The following FHIT variants were observed in gnomAD, a reference collection of about 807,000 sequenced individuals.
FHIT encodes fragile histidine triad diadenosine triphosphatase.
A neutral mutation model predicts 17.9 loss-of-function variants in FHIT; 19 were observed. That is an observed-to-expected ratio of 1.06 (90% CI 0.74 to 1.56). FHIT has a LOEUF of 1.56. Ranked by LOEUF, FHIT falls within the 40% of genes most tolerant of loss-of-function variation. The pLI is 0.00. For missense variants in FHIT, 248 were observed against 189.2 expected, an observed-to-expected ratio of 1.31 and a Z score of -1.82; for synonymous variants, 81 against 69.7, an observed-to-expected ratio of 1.16 and a Z score of -0.81.
intron 5 of FHIT, among the ~76,000 whole-genome samples, chr3:60,421,288 A>G (rs529137493): frequency 3.3e-5 from 5 of 152,024 alleles, no homozygotes; most frequent in Non-Finnish European, 7.4e-5. Context: ...TACTGTATCT[A>G]ATCTCATTCC....
intron 5 of FHIT, among the ~76,000 whole-genome samples, chr3:60,155,845 C>T (rs565428233): frequency 9.2e-5 from 14 of 152,246 alleles, no homozygotes; most frequent in African/African-American, 2.6e-4. Context: ...CCACCTCAAC[C>T]GTCACCCAAG....
chr3:61,015,142 C>G (rs1385838909), intron 3 of FHIT, among the ~76,000 whole-genome samples: 1 of 151,998 alleles, frequency 6.6e-6, no homozygotes, highest in Non-Finnish European at 1.5e-5. Context: ...GTATGTCAGA[C>G]TAAGTGCTTC....
At chr3:59,964,408 A>G (rs893971247) in intron 7 of FHIT, among the ~76,000 whole-genome samples, 1 of 152,118 alleles carries the variant, frequency 6.6e-6, no homozygotes, top group African/African-American at 2.4e-5. Flanking sequence ...CATACTACCT[A>G]TTAGTTAATA....
chr3:60,358,063 TTA>T (rs1699750576), intron 5 of FHIT, among the ~76,000 whole-genome samples: 1 of 152,236 alleles, frequency 6.6e-6, no homozygotes, highest in Non-Finnish European at 1.5e-5. Context: ...TTGTGTTTTA[TTA>T]TATCCTCCAG....
chr3:60,763,163 C>T (rs922946874), intron 4 of FHIT, among the ~76,000 whole-genome samples: 6 of 152,094 alleles, frequency 3.9e-5, no homozygotes, highest in Non-Finnish European at 7.4e-5. Context: ...GGCTTGTTGG[C>T]TTACACACGA....
intron 2 of FHIT, among the ~76,000 whole-genome samples, chr3:61,105,489 G>T (rs1387163245): frequency 6.6e-6 from 1 of 151,894 alleles, no homozygotes; most frequent in African/African-American, 2.4e-5. Flanking sequence ...TTACATTCAT[G>T]GTGAGAGTCT....
At chr3:61,115,687 G>C (rs143564696) in intron 2 of FHIT, among the ~76,000 whole-genome samples, 11 of 152,224 alleles carry the variant, frequency 7.2e-5, no homozygotes, top group Non-Finnish European at 1.5e-4. Context: ...TATTCTTAAA[G>C]ATACCTTGAG....
At chr3:59,917,195 T>C (rs752910551) in intron 8 of FHIT, among the ~76,000 whole-genome samples, 8 of 152,258 alleles carry the variant, frequency 5.3e-5, no homozygotes, top group Non-Finnish European at 8.8e-5. Context: ...CATGACATGC[T>C]TGAACCCACA....
At chr3:61,225,775 G>A (rs1414847274) in intron 1 of FHIT, among the ~76,000 whole-genome samples, 1 of 152,204 alleles carries the variant, frequency 6.6e-6, no homozygotes, top group Non-Finnish European at 1.5e-5. Flanking sequence ...AATGACTGCT[G>A]AGTTGTAGCT....
At chr3:60,250,267 G>T (rs532465982) in intron 5 of FHIT, among the ~76,000 whole-genome samples, 1 of 152,158 alleles carries the variant, frequency 6.6e-6, no homozygotes, top group African/African-American at 2.4e-5. Flanking sequence ...AGCTAGAATG[G>T]GTCACATTTT....
intron 5 of FHIT, among the ~76,000 whole-genome samples, chr3:60,131,842 T>C (rs1211583068): frequency 6.6e-6 from 1 of 152,106 alleles, no homozygotes; most frequent in Non-Finnish European, 1.5e-5. Flanking sequence ...TCAAAGCCAA[T>C]CACATAGGTC....
intron 8 of FHIT, among the ~76,000 whole-genome samples, chr3:59,876,208 T>C (rs1559688956): frequency 6.6e-6 from 1 of 152,030 alleles, no homozygotes; most frequent in Non-Finnish European, 1.5e-5. Context: ...TATATATGTA[T>C]ATATGCAGAA....
At chr3:60,845,530 T>C (rs1553746209) in intron 3 of FHIT, among the ~76,000 whole-genome samples, 1 of 152,150 alleles carries the variant, frequency 6.6e-6, no homozygotes, top group Non-Finnish European at 1.5e-5. Context: ...GTTTTCAAAA[T>C]TCTTGGAGAG....
At chr3:60,101,840 G>A (rs979336956) in intron 5 of FHIT, among the ~76,000 whole-genome samples, 11 of 152,104 alleles carry the variant, frequency 7.2e-5, no homozygotes, top group Non-Finnish European at 1.3e-4. Context: ...GGACAATTAC[G>A]CAAGGCACAC....
At chr3:61,153,972 T>C (rs7636370) in intron 2 of FHIT, among the ~76,000 whole-genome samples, 44,756 of 152,042 alleles carry the variant, frequency 0.29, 7,416 homozygotes, top group East Asian at 0.72. Flanking sequence ...CAACTATGTA[T>C]ATCTCCTCAC....
At chr3:60,302,426 G>A (rs991983141) in intron 5 of FHIT, among the ~76,000 whole-genome samples, 5 of 151,874 alleles carry the variant, frequency 3.3e-5, no homozygotes, top group African/African-American at 4.8e-5. Context: ...CATTTATCCC[G>A]AAAAAGACAA....
intron 2 of FHIT, among the ~76,000 whole-genome samples, chr3:61,075,026 C>A (rs1221957754): frequency 6.6e-6 from 1 of 152,198 alleles, no homozygotes; most frequent in Non-Finnish European, 1.5e-5. Flanking sequence ...AAAGAAAGCA[C>A]TGCACTTGTA....
At chr3:59,908,027 G>T (rs1014186503) in intron 8 of FHIT, among the ~76,000 whole-genome samples, 8 of 152,078 alleles carry the variant, frequency 5.3e-5, no homozygotes, top group Non-Finnish European at 1.0e-4. Flanking sequence ...ATAATCCAAG[G>T]TCATCTCCTT....
At chr3:61,164,799 C>G (rs1215620051) in intron 2 of FHIT, among the ~76,000 whole-genome samples, 1 of 152,180 alleles carries the variant, frequency 6.6e-6, no homozygotes, top group Non-Finnish European at 1.5e-5. Context: ...TTCCCTCCCT[C>G]ACTCACTCCT....
Sources: gnomAD v4.1 joint callset for allele counts (sites outside exome capture counted in the v4.1 genomes callset) on GRCh38, gnomAD v4.1.1 for gene constraint, MANE v1.5 for transcripts, NCBI Gene and HGNC (gene_info 2026-07-23, HGNC 2026-07-21) for gene names.